Variants in RXRB observed in about 807,000 individuals in gnomAD.
The protein encoded by RXRB is retinoid X receptor beta.
RXRB carries 18 observed loss-of-function variants against 52.5 expected under a neutral mutation model. The observed-to-expected ratio is 0.34, with a 90% CI of 0.24 to 0.51. The LOEUF (loss-of-function observed/expected upper bound fraction) is 0.51, where lower values mean the gene tolerates loss of function less well. RXRB is among the 20% of genes least tolerant of loss of function. The pLI, the probability that RXRB is intolerant of heterozygous loss-of-function variation, is 0.97. For synonymous variants in RXRB, 233 were observed against 267.1 expected, an observed-to-expected ratio of 0.87 and a Z score of 1.25; for missense variants, 455 against 698.2, an observed-to-expected ratio of 0.65 and a Z score of 3.92.
intron 2 of RXRB, 192 bp from the exon 3 acceptor site, chr6:33,198,656 CT>C: frequency 2.8e-6 from 2 of 708,912 alleles, no homozygotes; most frequent in Non-Finnish European, 5.1e-6. Flanking sequence ...CAGGCCCCCC[CT>C]GAAATTGTGC....
intron 2 of RXRB, among the ~76,000 whole-genome samples, chr6:33,198,888 T>G (rs1481594930): frequency 8.1e-6 from 1 of 122,710 alleles, no homozygotes; most frequent in Non-Finnish European, 1.6e-5. Flanking sequence ...CACTCCAGCC[T>G]GGGCAACAGA....
Position 33,197,266 on chromosome 6 carries a change from C to A in RXRB, c.820+496G>T, listed in dbSNP as rs1391463918. On this transcript the variant is annotated intron_variant, in intron 4 of 9. Coordinates refer to ENST00000374680, the MANE Select transcript of RXRB (RefSeq NM_021976.5). The surrounding 1 kb of genome is among the most constrained non-coding windows in gnomAD (Gnocchi z 4.4). ...TCTTCTCTAAAGTGGGTGTTTTGACCAAGATATGCTCTAAAGTGTCTCTCA... is the reference window on the plus strand; with the variant it reads ...TCTTCTCTAAAGTGGGTGTTTTGACAAAGATATGCTCTAAAGTGTCTCTCA... Among the ~76,000 whole-genome samples the A allele has an allele frequency of 1.3e-5, 2 of 152,146 alleles. No individual in the cohort carries two copies. Among genetic ancestry groups the A allele is most frequent in the African/African-American group, 4.8e-5 (2 of 41,412 alleles).
Position 33,199,201 on chromosome 6 carries a change from G to T in RXRB, c.451C>A (p.Pro151Thr). 7.7e-7 allele frequency: 1 copy of T among 1,295,880 alleles called. No homozygotes were observed. Among genetic ancestry groups the T allele is most frequent in the Non-Finnish European group, 9.8e-7 (1 of 1,015,730 alleles). The allele number at this position is 1,295,880 out of a possible 1,614,324, so 80.3% of individuals were successfully genotyped here. A position where few individuals can be genotyped will look rare whatever the true frequency, so the allele number is the denominator to read the frequency against. ...GSPGLPPPAP[P>T]GFSGPVSSPQ... is the part of the protein sequence containing the mutation. ...CTGCTGACAGGCCCGGAGAATCCTG[G>T]GGGAGCTGGAGGGGGCAGACCAGGG... The change falls in exon 2 of 10, where the codon CCA (proline) becomes ACA (threonine). Residue 151 changes from proline to threonine, a missense_variant. Physicochemically the swap from Pro to Thr is conservative, Grantham distance 38 (BLOSUM62 -1). Coordinates refer to ENST00000374680, the MANE Select transcript of RXRB (RefSeq NM_021976.5).
Position 33,196,360 on chromosome 6 carries a change from G to A in RXRB, c.993+74C>T, listed in dbSNP as rs1773895113. On this transcript the variant is annotated intron_variant, in intron 5 of 9. Transcript: ENST00000374680. The surrounding 1 kb of genome is among the most constrained non-coding windows in gnomAD (Gnocchi z 4.0). ...GGTTATGAGGGGAAAGGAGGGGGAG[G>A]GGATGTAGAACAGACCTAGACTGCC... is the stretch of plus-strand genomic sequence containing the variant. The A allele has an allele frequency of 1.4e-6, 2 of 1,408,480 alleles. No individual in the cohort carries two copies. Among genetic ancestry groups the A allele is most frequent in the Non-Finnish European group, 2.0e-6 (2 of 994,276 alleles). 87.2% of individuals were successfully genotyped at this position (1,408,480 alleles called of 1,614,324 possible).
chr6:33,198,666 G>T, intron 2 of RXRB: 1 of 700,198 alleles, frequency 1.4e-6, no homozygotes, highest in East Asian at 2.7e-5. Context: ...CTGAAATTGT[G>T]CAACACAGTG....
rs1246720325 is a variant in RXRB at position 33,195,932 on chromosome 6, A to G, written c.1098T>C (p.Asp366=). The part of the protein sequence containing the change: ...RIPHFSSLPL[D]DQVILLRAGW... ...CTGCCCGCAGCAATATGACCTGATC[A>G]TCCAGAGGCAAGGAGGAAAAGTGTG... is the stretch of plus-strand genomic sequence containing the variant. Residue 366 remains aspartate (D), a synonymous_variant, in exon 6 of 10, where the codon GAT becomes GAC. Transcript: ENST00000374680. This position sits in a 1 kb window ranked among gnomAD's most constrained non-coding sequence, Gnocchi z 8.6. 3 of 1,612,846 alleles carry G rather than the reference A, an allele frequency of 1.9e-6. No homozygotes were observed. The highest frequency in any genetic ancestry group is 2.5e-6 in the Non-Finnish European group (3 of 1,180,060).
rs746401844 is a variant in RXRB, at chr6:33,196,458, C to T, written c.969G>A (p.Gly323=). The T allele has an allele frequency of 5.6e-6, 9 of 1,613,076 alleles. No individual in the cohort carries two copies. In the East Asian group the frequency reaches 1.8e-4, roughly 32 times the overall value. Residue 323 remains glycine, a synonymous_variant, in exon 5 of 10, where the codon GGG becomes GGA. Transcript: ENST00000374680. The surrounding 1 kb of genome is among the most constrained non-coding windows in gnomAD (Gnocchi z 4.0). ...CGCTGCTGCCGCTACCCCCGGTTCC[C>T]CCAGGACCCTCAACGCCCTGGTCAC... ...QKSDQGVEGP[G]GTGGSGSSPN...
chr6:33,197,673 A>G lies in RXRB; in HGVS notation c.820+89T>C. 2 of 1,193,062 alleles carry G rather than the reference A, an allele frequency of 1.7e-6. No individual in the cohort carries two copies. The highest frequency in any genetic ancestry group is 2.4e-6 in the Non-Finnish European group (2 of 833,830). The allele number at this position is 1,193,062 out of a possible 1,614,324, so 73.9% of individuals were successfully genotyped here. On this transcript the variant is annotated intron_variant, in intron 4 of 9. Coordinates refer to ENST00000374680, the MANE Select transcript of RXRB (RefSeq NM_021976.5). This position sits in a 1 kb window ranked among gnomAD's most constrained non-coding sequence, Gnocchi z 4.4. ...TATCGCCCTCTAGAGGAGAGAGAGCAGTCCACCCTTCCAGAGAGGTACACA... is the reference window on the plus strand; with the variant it reads ...TATCGCCCTCTAGAGGAGAGAGAGCGGTCCACCCTTCCAGAGAGGTACACA...
chr6:33,195,287 TA>T lies in RXRB; in HGVS notation c.1348+75del. The T allele has an allele frequency of 1.0e-6, 1 of 962,960 alleles. No homozygotes were observed. The highest frequency in any genetic ancestry group is 1.7e-6 in the Non-Finnish European group (1 of 590,324). The allele number at this position is 962,960 out of a possible 1,614,324, so 59.7% of individuals were successfully genotyped here. ...GGTCTTACTGAGGGGGATAGCTGGGTAACTTAGGAGTCTCGGAGAAGAGGAG... is the reference window on the plus strand; with the variant it reads ...GGTCTTACTGAGGGGGATAGCTGGGTACTTAGGAGTCTCGGAGAAGAGGAG... On this transcript the variant is annotated intron_variant, in intron 8 of 9. Coordinates refer to ENST00000374680, the MANE Select transcript of RXRB (RefSeq NM_021976.5). The surrounding 1 kb of genome is among the most constrained non-coding windows in gnomAD (Gnocchi z 8.6).
chr6:33,196,253 G>A lies in RXRB; in HGVS notation c.993+181C>T, dbSNP rs115196953. 9,483 of 915,012 alleles carry A rather than the reference G, an allele frequency of 0.01. 208 individuals are homozygous for A. The highest frequency in any genetic ancestry group is 0.067 in the African/African-American group (4,125 of 61,692). 56.7% of individuals were successfully genotyped at this position (915,012 alleles called of 1,614,324 possible). On this transcript the variant is annotated intron_variant, in intron 5 of 9. Coordinates refer to ENST00000374680, the MANE Select transcript of RXRB (RefSeq NM_021976.5). The surrounding 1 kb of genome is among the most constrained non-coding windows in gnomAD (Gnocchi z 4.0). ...GCCAGTGGGTTGTTTGGGGAGTGGAGACAGAAGGAGCTATCACATCCACCT... is the reference window on the plus strand; with the variant it reads ...GCCAGTGGGTTGTTTGGGGAGTGGAAACAGAAGGAGCTATCACATCCACCT...
chr6:33,194,946 G>T lies in RXRB; in HGVS notation c.1453C>A (p.Arg485=), dbSNP rs763483233. 4.8e-5 allele frequency: 78 copies of T among 1,611,120 alleles called. No homozygotes were observed. The highest frequency in any genetic ancestry group is 5.4e-5 in the Non-Finnish European group (64 of 1,178,636). Residue 485 remains arginine (R), a splice_region_variant and synonymous_variant, in exon 9 of 10, where the codon CGG becomes AGG. Transcript: ENST00000374680. This position sits in a 1 kb window ranked among gnomAD's most constrained non-coding sequence, Gnocchi z 4.1. The stretch of plus-strand genomic sequence containing the variant: ...CAGTGCCCCCCAGCCCCATCTCACC[G>T]TCCCTGCTGCTCAGGGTACTTCTGT... ...CKQKYPEQQG[R]FAKLLLRLPA... is the part of the protein sequence containing the mutation.
chr6:33,200,491 A>G lies in RXRB; in HGVS notation c.-15T>C, dbSNP rs192932254. 3 of 1,582,052 alleles carry G rather than the reference A, an allele frequency of 1.9e-6. No individual in the cohort carries two copies. Among genetic ancestry groups the G allele is most frequent in the East Asian group, 4.5e-5 (2 of 44,052 alleles). On this transcript the variant is annotated 5_prime_UTR_variant, in exon 1 of 10. Transcript: ENST00000374680. The surrounding 1 kb of genome is among the most constrained non-coding windows in gnomAD (Gnocchi z 6.3). ...GCCCAAGACATGATCCCTGGCTGAGAGTAGGGATACCGAAGAGGTCCCAGG... is the reference window on the plus strand; with the variant it reads ...GCCCAAGACATGATCCCTGGCTGAGGGTAGGGATACCGAAGAGGTCCCAGG...
Position 33,197,636 on chromosome 6 carries a change from A to G in RXRB, c.820+126T>C. On this transcript the variant is annotated intron_variant, in intron 4 of 9. Coordinates refer to ENST00000374680, the MANE Select transcript of RXRB (RefSeq NM_021976.5). The surrounding 1 kb of genome is among the most constrained non-coding windows in gnomAD (Gnocchi z 4.4). ...ACAGGGAGGAGAGCTGCGAAGGGAG[A>G]GAGAAATCAAATATCGCCCTCTAGA... The G allele has an allele frequency of 1.2e-6, 1 of 846,900 alleles. No homozygotes were observed. Among genetic ancestry groups the G allele is most frequent in the East Asian group, 2.6e-5 (1 of 37,760 alleles). The allele number at this position is 846,900 out of a possible 1,614,324, so 52.5% of individuals were successfully genotyped here.
intron 1 of RXRB, chr6:33,199,760 T>C (rs1012761296): frequency 4.6e-5 from 20 of 431,184 alleles, no homozygotes; most frequent in Non-Finnish European, 5.8e-5. Flanking sequence ...GAGAGGAGGA[T>C]AGTTCAGGTG....
At chr6:33,198,705 C>A (rs998615387) in intron 2 of RXRB, 1 of 651,562 alleles carries the variant, frequency 1.5e-6, no homozygotes, top group Non-Finnish European at 2.8e-6. Context: ...CTTGGGAAAG[C>A]AGATGGGATC....
chr6:33,199,535 G>T, intron 1 of RXRB, 119 bp from the exon 2 acceptor site: 1 of 802,420 alleles, frequency 1.2e-6, no homozygotes, highest in South Asian at 4.2e-5. Context: ...CACCGTGCCG[G>T]ACCCAGCCCA....
Position 33,195,143 on chromosome 6 carries a change from G to A in RXRB, c.1349-93C>T. The A allele has an allele frequency of 3.1e-6, 3 of 968,300 alleles. No homozygotes were observed. Among genetic ancestry groups the A allele is most frequent in the Non-Finnish European group, 4.9e-6 (3 of 610,126 alleles). 60.0% of individuals were successfully genotyped at this position (968,300 alleles called of 1,614,324 possible). ...GTGAGCCACAGGATGCCCCTTTTGG[G>A]CTGCACTTGCTTGCCCTTTACCAGA... On this transcript the variant is annotated intron_variant, in intron 8 of 9. Coordinates refer to ENST00000374680, the MANE Select transcript of RXRB (RefSeq NM_021976.5). The surrounding 1 kb of genome is among the most constrained non-coding windows in gnomAD (Gnocchi z 8.6).
chr6:33,200,623 A>G lies in RXRB; in HGVS notation c.-147T>C. ...TAAGCCCGTCGCTCTGCTCAGTACC[A>G]AAATGACAGCGCCAATGTGGCAGCC... is the stretch of plus-strand genomic sequence containing the variant. On this transcript the variant is annotated 5_prime_UTR_variant, in exon 1 of 10. Transcript: ENST00000374680. The surrounding 1 kb of genome is among the most constrained non-coding windows in gnomAD (Gnocchi z 6.3). 2 of 1,508,856 alleles carry G rather than the reference A, an allele frequency of 1.3e-6. No homozygotes were observed. Among genetic ancestry groups the G allele is most frequent in the East Asian group, 4.9e-5 (2 of 40,654 alleles). The allele number at this position is 1,508,856 out of a possible 1,614,324, so 93.5% of individuals were successfully genotyped here. A position where few individuals can be genotyped will look rare whatever the true frequency, so the allele number is the denominator to read the frequency against.
At position 33,196,088 on chromosome 6, in the gene RXRB, C is replaced by T; in HGVS notation, c.994-52G>A. The T allele has an allele frequency of 1.2e-6, 2 of 1,608,676 alleles. No individual in the cohort carries two copies. Among genetic ancestry groups the T allele is most frequent in the African/African-American group, 1.3e-5 (1 of 74,956 alleles). ...GGAAGATTTTGAGATATGCTGGGAG[C>T]CCCCTTGTAAGAGGCTTTTGACACC... is the stretch of plus-strand genomic sequence containing the variant. On this transcript the variant is annotated intron_variant, in intron 5 of 9. Coordinates refer to ENST00000374680, the MANE Select transcript of RXRB (RefSeq NM_021976.5). This position sits in a 1 kb window ranked among gnomAD's most constrained non-coding sequence, Gnocchi z 4.0.
Sources: gnomAD v4.1 joint callset for allele counts (sites outside exome capture counted in the v4.1 genomes callset) on GRCh38, gnomAD v4.1.1 for gene constraint, Gnocchi (gnomAD v3.1) non-coding constraint, MANE v1.5 for transcripts, NCBI Gene and HGNC (gene_info 2026-07-23, HGNC 2026-07-21) for gene names.